The following PAK5 variants were observed in gnomAD, a reference collection of about 807,000 sequenced individuals.
The protein encoded by PAK5 is serine/threonine-protein kinase PAK 5.
In PAK5, 16 loss-of-function variants were observed where a neutral mutation model predicts 65.9. The ratio of observed to expected loss-of-function variants is 0.24; its 90% CI spans 0.16 to 0.37. PAK5 has a LOEUF of 0.37. Ranked by LOEUF, PAK5 falls within the 10% of genes least tolerant of loss-of-function variation. PAK5 has a pLI of 1.00. For synonymous variants in PAK5, 371 were observed against 354.9 expected (o/e 1.05, Z -0.51); for missense variants, 785 against 903.9 (o/e 0.87, Z 1.69).
At chr20:9,743,497 A>T (rs1201975605) in intron 1 of PAK5, among the ~76,000 whole-genome samples, 1 of 152,048 alleles carries the variant, frequency 6.6e-6, no homozygotes, top group African/African-American at 2.4e-5. Flanking sequence ...CTTGTATCAG[A>T]CTCTTAGGTA....
chr20:9,640,840 A>C (rs1600183483), intron 3 of PAK5, among the ~76,000 whole-genome samples: 1 of 152,102 alleles, frequency 6.6e-6, no homozygotes, highest in East Asian at 1.9e-4. Context: ...TGGGCTCAGG[A>C]GTGAAGCTGC....
At chr20:9,563,498 C>T (rs1057003479) in intron 5 of PAK5, among the ~76,000 whole-genome samples, 7 of 152,174 alleles carry the variant, frequency 4.6e-5, no homozygotes, top group African/African-American at 1.7e-4. Context: ...ACAAGACCAA[C>T]TTAACTTCTC....
chr20:9,766,459 CAAGCAGAATA>C, intron 1 of PAK5, among the ~76,000 whole-genome samples: 1 of 51,190 alleles, frequency 2.0e-5, no homozygotes, highest in African/African-American at 1.3e-4. Flanking sequence ...TATATATATT[CAAGCAGAATA>C]TATATGTATA....
At chr20:9,716,865 T>C (rs2048153266) in intron 1 of PAK5, among the ~76,000 whole-genome samples, 1 of 152,016 alleles carries the variant, frequency 6.6e-6, no homozygotes, top group South Asian at 2.1e-4. Context: ...AGCTGATCAC[T>C]TGAGCTCATG....
intron 1 of PAK5, among the ~76,000 whole-genome samples, chr20:9,744,997 G>T (rs1418866921): frequency 6.6e-6 from 1 of 152,120 alleles, no homozygotes; most frequent in Non-Finnish European, 1.5e-5. Context: ...TGGGGATAGA[G>T]AGAGGACAGT....
In PAK5 at chr20:9,757,432, A is replaced by C. The variant is rs370799863; in HGVS notation, c.-161-45997T>G. On this transcript the variant is annotated intron_variant, in intron 1 of 9. Coordinates refer to ENST00000353224, the MANE Select transcript of PAK5 (RefSeq NM_177990.4). ...AAAATATAAAAGTTAGATTTCATCA[A>C]ATCAAATACAGACTTTAACCCCACT... Among the ~76,000 whole-genome samples the C allele has an allele frequency of 1.8e-4, 27 of 152,334 alleles. 1 individual carries two copies. Among genetic ancestry groups the C allele is most frequent in the Admixed American group, 1.3e-3 (20 of 15,294 alleles).
intron 7 of PAK5, among the ~76,000 whole-genome samples, chr20:9,555,093 C>T (rs1603203381): frequency 6.6e-6 from 1 of 152,186 alleles, no homozygotes; most frequent in African/African-American, 2.4e-5. Flanking sequence ...TTTATTATCA[C>T]ATTCCCAGTC....
At chr20:9,705,024 T>C (rs1381958829) in intron 2 of PAK5, among the ~76,000 whole-genome samples, 1 of 152,210 alleles carries the variant, frequency 6.6e-6, no homozygotes, top group Non-Finnish European at 1.5e-5. Context: ...GGTAGTTTTA[T>C]GTCTAGAGGC....
intron 1 of PAK5, among the ~76,000 whole-genome samples, chr20:9,717,897 G>A (rs2048168663): frequency 6.6e-6 from 1 of 152,180 alleles, no homozygotes; most frequent in Non-Finnish European, 1.5e-5. Context: ...TGGCATTACA[G>A]GTGTGAGCCA....
chr20:9,546,381 G>A (rs912351675), intron 7 of PAK5, among the ~76,000 whole-genome samples: 3 of 152,086 alleles, frequency 2.0e-5, no homozygotes, highest in African/African-American at 7.2e-5. Flanking sequence ...TTTTTTAACA[G>A]TTTAAAAATT....
intron 2 of PAK5, among the ~76,000 whole-genome samples, chr20:9,676,835 G>A (rs6140997): frequency 0.24 from 35,803 of 151,960 alleles, 4,457 homozygotes; most frequent in East Asian, 0.36. Flanking sequence ...TCACAGTTTT[G>A]TATATTTGCT....
At chr20:9,772,379 C>CA (rs1163921384) in intron 1 of PAK5, among the ~76,000 whole-genome samples, 1 of 152,174 alleles carries the variant, frequency 6.6e-6, no homozygotes, top group Non-Finnish European at 1.5e-5. Context: ...AAAGAAAAAA[C>CA]AGAGTCAAAT....
At chr20:9,790,330 T>C (rs1319819528) in intron 1 of PAK5, among the ~76,000 whole-genome samples, 1 of 151,810 alleles carries the variant, frequency 6.6e-6, no homozygotes, top group African/African-American at 2.4e-5. Context: ...GAGCAAACAG[T>C]ATAAAGGGGC....
chr20:9,741,063 A>G (rs973347026), intron 1 of PAK5, among the ~76,000 whole-genome samples: 2 of 152,180 alleles, frequency 1.3e-5, no homozygotes, highest in Non-Finnish European at 2.9e-5. Context: ...TACCCCATCA[A>G]TTGCCTCTAA....
intron 1 of PAK5, among the ~76,000 whole-genome samples, chr20:9,729,987 G>A (rs2048318218): frequency 9.3e-6 from 1 of 107,314 alleles, no homozygotes; most frequent in South Asian, 3.7e-4. Flanking sequence ...ACTCAAGCCT[G>A]GGCAACAGGG....
intron 1 of PAK5, chr20:9,818,590 T>C (rs1232616724): frequency 6.6e-6 from 1 of 152,212 alleles, no homozygotes; most frequent in Non-Finnish European, 1.5e-5. Context: ...AAAGCAAATA[T>C]ATCTGAACAG....
chr20:9,540,961 C>G (rs2045252813), intron 9 of PAK5, among the ~76,000 whole-genome samples: 1 of 152,208 alleles, frequency 6.6e-6, no homozygotes, highest in African/African-American at 2.4e-5. Flanking sequence ...TGGTCTCCAT[C>G]TCCTGACCTC....
intron 7 of PAK5, among the ~76,000 whole-genome samples, chr20:9,554,322 C>T (rs765371631): frequency 3.3e-5 from 5 of 152,194 alleles, no homozygotes; most frequent in Non-Finnish European, 5.9e-5. Flanking sequence ...ACTTCCACCT[C>T]GTTTTCTTGG....
At chr20:9,716,772 C>A (rs1376605069) in intron 1 of PAK5, among the ~76,000 whole-genome samples, 2 of 152,072 alleles carry the variant, frequency 1.3e-5, no homozygotes, top group Non-Finnish European at 2.9e-5. Context: ...AGCCATATTA[C>A]CATTACTGAC....
Sources: gnomAD v4.1 joint callset for allele counts (sites outside exome capture counted in the v4.1 genomes callset) on GRCh38, gnomAD v4.1.1 for gene constraint, MANE v1.5 for transcripts, NCBI Gene and HGNC (gene_info 2026-07-23, HGNC 2026-07-21) for gene names.